CSMD1: variants seen among roughly 807,000 people sequenced by gnomAD.
The protein encoded by CSMD1 is CUB and Sushi multiple domains 1, also known as CUB and sushi domain-containing protein 1.
Under a neutral mutation model 417.5 loss-of-function variants are expected in CSMD1, and 213 were observed. That is an observed-to-expected ratio of 0.51 (90% CI 0.46 to 0.57). The LOEUF (loss-of-function observed/expected upper bound fraction) is 0.57, where lower values mean the gene tolerates loss of function less well. Ranked by LOEUF, CSMD1 falls within the 20% of genes least tolerant of loss-of-function variation. CSMD1 has a pLI of 0.00. For missense variants in CSMD1, 6,923 were observed against 4,529.7 expected (o/e 1.53, Z -15.17); for synonymous variants, 2,862 against 1,736.8 (o/e 1.65, Z -16.11).
intron 25 of CSMD1, among the ~76,000 whole-genome samples, chr8:3,307,174 AC>A (rs1399560021): frequency 2.0e-5 from 3 of 152,026 alleles, no homozygotes. Flanking sequence ...ACTTGCTTTG[AC>A]AAAGGGCACC....
intron 3 of CSMD1, among the ~76,000 whole-genome samples, chr8:4,222,726 A>C (rs531941300): frequency 4.6e-5 from 7 of 152,264 alleles, no homozygotes; most frequent in Middle Eastern, 6.8e-3. Context: ...GGTGATAAAA[A>C]GTGGTCAAAC....
At chr8:4,039,457 T>C (rs1444859926) in intron 3 of CSMD1, among the ~76,000 whole-genome samples, 2 of 152,236 alleles carry the variant, frequency 1.3e-5, no homozygotes, top group African/African-American at 2.4e-5. Flanking sequence ...TCTTGAAACC[T>C]TACATTTCTT....
At chr8:3,933,971 G>A (rs1467970729) in intron 5 of CSMD1, among the ~76,000 whole-genome samples, 1 of 152,170 alleles carries the variant, frequency 6.6e-6, no homozygotes, top group African/African-American at 2.4e-5. Context: ...ACACAGTCGG[G>A]CTAGTGAAGT....
intron 3 of CSMD1, among the ~76,000 whole-genome samples, chr8:4,413,384 T>TAGC (rs1287138924): frequency 6.6e-6 from 1 of 152,148 alleles, no homozygotes; most frequent in Non-Finnish European, 1.5e-5. Context: ...AAGTCACAGG[T>TAGC]AGCACATAAG....
At chr8:4,967,019 G>A (rs1319770689) in intron 1 of CSMD1, among the ~76,000 whole-genome samples, 1 of 152,092 alleles carries the variant, frequency 6.6e-6, no homozygotes, top group Admixed American at 6.6e-5. Flanking sequence ...TTGCATGGCA[G>A]GAAATTGACC....
In CSMD1 at chr8:4,842,602, G is replaced by A. The variant is rs962693363; in HGVS notation, c.85+151730C>T. On this transcript the variant is annotated intron_variant, in intron 1 of 69. Coordinates refer to ENST00000635120, the MANE Select transcript of CSMD1 (RefSeq NM_033225.6). ...AGGGCACATGTATCCCTGCTGCAGG[G>A]AACCCGGGTGCCTATGTGCAAAACC... Among the ~76,000 whole-genome samples, 6 of 152,166 alleles carry A rather than the reference G, an allele frequency of 3.9e-5. 1 individual carries two copies. The highest frequency in any genetic ancestry group is 2.9e-5 in the Non-Finnish European group (2 of 68,040).
intron 2 of CSMD1, among the ~76,000 whole-genome samples, chr8:4,625,779 C>T (rs559500189): frequency 1.3e-5 from 2 of 151,962 alleles, no homozygotes; most frequent in Admixed American, 1.3e-4. Context: ...GTTGGAGTGC[C>T]GTGGTATGAT....
At chr8:3,424,740 G>T (rs1049366767) in intron 12 of CSMD1, among the ~76,000 whole-genome samples, 1 of 152,178 alleles carries the variant, frequency 6.6e-6, no homozygotes, top group Admixed American at 6.5e-5. Flanking sequence ...CAGGTCAACT[G>T]TCAAGGAACC....
At chr8:4,440,945 C>T (rs558962740) in intron 2 of CSMD1, among the ~76,000 whole-genome samples, 7 of 149,958 alleles carry the variant, frequency 4.7e-5, no homozygotes, top group African/African-American at 7.4e-5. Context: ...TGCAGCGAGC[C>T]GAGATCATGC....
At chr8:4,587,445 A>T (rs1312164909) in intron 2 of CSMD1, among the ~76,000 whole-genome samples, 2 of 151,772 alleles carry the variant, frequency 1.3e-5, no homozygotes, top group African/African-American at 4.8e-5. Flanking sequence ...ATATATGTAT[A>T]TGTACATATA....
intron 2 of CSMD1, among the ~76,000 whole-genome samples, chr8:4,476,227 A>T (rs1182249495): frequency 2.6e-5 from 4 of 152,120 alleles, no homozygotes; most frequent in Non-Finnish European, 4.4e-5. Flanking sequence ...AAACTTTTTT[A>T]AAAAAAGATA....
intron 2 of CSMD1, among the ~76,000 whole-genome samples, chr8:4,580,651 T>G (rs1328761125): frequency 1.3e-5 from 2 of 152,128 alleles, no homozygotes; most frequent in Admixed American, 6.5e-5. Flanking sequence ...AGACATTCTC[T>G]TCTACCCTGG....
At chr8:3,000,397 C>T (rs1807299189) in intron 52 of CSMD1, among the ~76,000 whole-genome samples, 1 of 151,178 alleles carries the variant, frequency 6.6e-6, no homozygotes. Context: ...ATCCATTTCA[C>T]TTATTTTGCT....
At chr8:4,396,476 C>T (rs1804222573) in intron 3 of CSMD1, among the ~76,000 whole-genome samples, 1 of 152,036 alleles carries the variant, frequency 6.6e-6, no homozygotes, top group Admixed American at 6.5e-5. Context: ...TCTCACTCTG[C>T]AATGGGAATT....
At chr8:3,877,115 C>T (rs1329549883) in intron 5 of CSMD1, among the ~76,000 whole-genome samples, 4 of 152,158 alleles carry the variant, frequency 2.6e-5, no homozygotes, top group South Asian at 2.1e-4. Context: ...TGCAACTCCT[C>T]GGTGAAGCAG....
intron 5 of CSMD1, among the ~76,000 whole-genome samples, chr8:3,942,120 G>A (rs138583293): frequency 1.9e-4 from 29 of 152,032 alleles, no homozygotes; most frequent in Non-Finnish European, 2.8e-4. Flanking sequence ...GATCTGTCAC[G>A]CTGAGATGGG....
chr8:4,280,908 G>T (rs1481089109), intron 3 of CSMD1, among the ~76,000 whole-genome samples: 1 of 152,280 alleles, frequency 6.6e-6, no homozygotes, highest in African/African-American at 2.4e-5. Flanking sequence ...TGTCATGGAA[G>T]TTGCAATTGC....
chr8:3,635,738 C>G lies in CSMD1; in HGVS notation c.1010-18941G>C, dbSNP rs181089453. On this transcript the variant is annotated intron_variant, in intron 7 of 69. Transcript: ENST00000635120. ...GACCTCGTGATCTGCCCGCCTCGGCCTCCCGAAGTGCTGGGATTACAGGTA... is the reference window on the plus strand; with the variant it reads ...GACCTCGTGATCTGCCCGCCTCGGCGTCCCGAAGTGCTGGGATTACAGGTA... Among the ~76,000 whole-genome samples the G allele has an allele frequency of 1.4e-3, 210 of 148,002 alleles. 3 individuals carry two copies. In the East Asian group the frequency reaches 0.039, roughly 28 times the overall value.
intron 3 of CSMD1, among the ~76,000 whole-genome samples, chr8:4,133,723 G>A (rs1357248602): frequency 4.0e-5 from 6 of 151,456 alleles, no homozygotes; most frequent in Admixed American, 3.9e-4. Context: ...TCTCAAGACT[G>A]TTTATGGTTA....
Sources: gnomAD v4.1 joint callset for allele counts (sites outside exome capture counted in the v4.1 genomes callset) on GRCh38, gnomAD v4.1.1 for gene constraint, MANE v1.5 for transcripts, NCBI Gene and HGNC (gene_info 2026-07-23, HGNC 2026-07-21) for gene names.